The following CDH15 variants were observed in gnomAD, a reference collection of about 807,000 sequenced individuals.
The protein encoded by CDH15 is cadherin 15.
Under a neutral mutation model 69.4 loss-of-function variants are expected in CDH15, and 73 were observed. The ratio of observed to expected loss-of-function variants is 1.05; its 90% CI spans 0.87 to 1.28. The LOEUF (loss-of-function observed/expected upper bound fraction) is 1.28, where lower values mean the gene tolerates loss of function less well. Ranked by LOEUF, CDH15 falls within the 50% of genes most tolerant of loss-of-function variation. The probability of loss-of-function intolerance (pLI) is 0.00; values close to 1 mark genes in which losing one functional copy is unlikely to be tolerated. For synonymous variants in CDH15, 624 were observed against 507.7 expected (o/e 1.23, Z -3.08); for missense variants, 1,343 against 1,133.6 (o/e 1.18, Z -2.65).
At chr16:89,178,828 A>G (rs899367675) in intron 1 of CDH15, among the ~76,000 whole-genome samples, 1 of 152,068 alleles carries the variant, frequency 6.6e-6, no homozygotes, top group East Asian at 1.9e-4. Context: ...GGGGACGGGC[A>G]CTTTCCTGCA....
rs191491461 is a variant in CDH15, at chr16:89,191,402, C to T, written c.1305C>T (p.His435=). ...DAATGRIQTQ[H]VLSPASPFLK... is the part of the protein sequence containing the mutation. ...CCACTGGCCGGATCCAGACCCAGCA[C>T]GTGCTCAGCCCGGCGTCCCCCTTCC... is the stretch of plus-strand genomic sequence containing the variant. Residue 435 remains histidine, a synonymous_variant, in exon 9 of 14, where the codon CAC becomes CAT. Coordinates refer to ENST00000289746, the MANE Select transcript of CDH15 (RefSeq NM_004933.3). 3.1e-6 allele frequency: 5 copies of T among 1,612,814 alleles called. No individual in the cohort carries two copies. In the Admixed American group the frequency reaches 5.0e-5, roughly 16 times the overall value.
chr16:89,185,210 C>CA lies in CDH15; in HGVS notation c.540_541insA (p.Asp181ArgfsTer71). The CA allele has an allele frequency of 6.2e-7, 1 of 1,604,142 alleles. No individual in the cohort carries two copies. Among genetic ancestry groups the CA allele is most frequent in the Non-Finnish European group, 8.5e-7 (1 of 1,176,238 alleles). Reference sequence around the variant, plus strand: ...CCAGGGCAGAGGCCACAGATGCCGACGACCCCGAGACGGACAACGCAGCGC... The same window carrying CA: ...CCAGGGCAGAGGCCACAGATGCCGACAGACCCCGAGACGGACAACGCAGCGC... On this transcript the variant is annotated frameshift_variant, in exon 5 of 14. Transcript: ENST00000289746. LOFTEE classifies it high-confidence loss of function.
At position 89,175,020 on chromosome 16, in the gene CDH15, C is replaced by T. The variant is rs141442475; in HGVS notation, c.42+3147C>T. On this transcript the variant is annotated intron_variant, in intron 1 of 13. Transcript: ENST00000289746. The stretch of plus-strand genomic sequence containing the variant: ...CAGCTTTGAGAACGCCCCCGAGAGC[C>T]GGAAGTGGGCCGTGGCCAGCCTGCT... 7.5e-3 allele frequency among the ~76,000 whole-genome samples: 1,149 copies of T among 152,282 alleles called. 15 individuals are homozygous for T. The highest frequency in any genetic ancestry group is 0.027 in the African/African-American group (1,116 of 41,544).
chr16:89,191,972 G>T (rs1357104587), intron 10 of CDH15, 78 bp downstream of exon 10: 16 of 1,380,920 alleles, frequency 1.2e-5, no homozygotes, highest in Non-Finnish European at 1.5e-5. Flanking sequence ...GACGGGGGCA[G>T]GAGGGTGAGG....
Position 89,188,242 on chromosome 16 carries a change from G to A in CDH15, c.935G>A (p.Arg312His), listed in dbSNP as rs374936482. ...GACCCCGATGGGCAGTTCACCATCC[G>A]CACGGACCCCAAGACCAACGAGGGT... Reference protein sequence around the residue: ...EGDPDGQFTIRTDPKTNEGVL... With the variant: ...EGDPDGQFTIHTDPKTNEGVL... The change falls in exon 7 of 14, where the codon CGC becomes CAC. Residue 312 changes from arginine (R) to histidine (H), a missense_variant. Physicochemically the swap from Arg to His is conservative, Grantham distance 29. Coordinates refer to ENST00000289746, the MANE Select transcript of CDH15 (RefSeq NM_004933.3). The A allele has an allele frequency of 2.3e-5, 37 of 1,613,488 alleles. No individual in the cohort carries two copies. Among genetic ancestry groups the A allele is most frequent in the African/African-American group, 1.5e-4 (11 of 75,062 alleles).
chr16:89,173,647 C>T (rs1033827560), intron 1 of CDH15, among the ~76,000 whole-genome samples: 10 of 152,198 alleles, frequency 6.6e-5, no homozygotes, highest in African/African-American at 2.4e-4. Context: ...ACTGTGAGCT[C>T]TCCTGGGCAG....
rs759202740 is a variant in CDH15, at chr16:89,193,791, G to A, written c.2029G>A (p.Ala677Thr). 13 of 1,606,522 alleles carry A rather than the reference G, an allele frequency of 8.1e-6. No homozygotes were observed. The highest frequency in any genetic ancestry group is 1.1e-5 in the South Asian group (1 of 90,874). The change falls in exon 13 of 14, where the codon GCG becomes ACG. Residue 677 changes from alanine to threonine, a missense_variant. Physicochemically the swap from Ala to Thr is moderately conservative, Grantham distance 58. Transcript: ENST00000289746. ...CATCAGCCAGCTGCGTCACCCGACAGCGCTGAGCCTGCCTCTGGGACCGCC... is the reference window on the plus strand; with the variant it reads ...CATCAGCCAGCTGCGTCACCCGACAACGCTGAGCCTGCCTCTGGGACCGCC... Reference protein sequence around the residue: ...YDISQLRHPTALSLPLGPPPL... With the variant: ...YDISQLRHPTTLSLPLGPPPL...
At chr16:89,194,415 A>T (rs1048440876) in intron 13 of CDH15, among the ~76,000 whole-genome samples, 1 of 152,184 alleles carries the variant, frequency 6.6e-6, no homozygotes, top group African/African-American at 2.4e-5. Flanking sequence ...GCCAAGGTGT[A>T]CACCCCCGGT....
intron 3 of CDH15, chr16:89,183,334 C>A: frequency 1.7e-6 from 1 of 577,316 alleles, no homozygotes; most frequent in Non-Finnish European, 3.1e-6. Context: ...GGGAAAGTGG[C>A]ACCTGCCCTG....
rs142819193 is a variant in CDH15, at chr16:89,193,477, C to G, written c.1863C>G (p.Val621=). The G allele has an allele frequency of 6.2e-7, 1 of 1,610,592 alleles. No homozygotes were observed. The highest frequency in any genetic ancestry group is 8.5e-7 in the Non-Finnish European group (1 of 1,179,368). ...LASALLLLVL[V]LLVALRARFW... ...CGTCCCCTCATTCCCCAGTGCTGGT[C>G]CTGCTCGTGGCACTCCGGGCGCGGT... Residue 621 remains valine (V), a synonymous_variant, in exon 12 of 14, where the codon GTC becomes GTG. Coordinates refer to ENST00000289746, the MANE Select transcript of CDH15 (RefSeq NM_004933.3).
rs778807813 is a variant in CDH15, at chr16:89,193,867, G to C, written c.2105G>C (p.Arg702Pro). 8 of 1,611,854 alleles carry C rather than the reference G, an allele frequency of 5.0e-6. No homozygotes were observed. Among genetic ancestry groups the C allele is most frequent in the Non-Finnish European group, 6.8e-6 (8 of 1,179,752 alleles). The change falls in exon 13 of 14, where the codon CGA becomes CCA. Residue 702 changes from arginine to proline, a missense_variant. By Grantham distance (103) the Arg-to-Pro change is moderately radical. Coordinates refer to ENST00000289746, the MANE Select transcript of CDH15 (RefSeq NM_004933.3). ...GGCCGCCTGCACCCCCAGCCACCCC[G>C]AGTGCTGCCCACCAGCCCCCTGGAC... ...PQGRLHPQPP[R>P]VLPTSPLDIA...
At chr16:89,179,369 A>C in intron 1 of CDH15, 47 bp from the exon 2 acceptor site, 1 of 1,610,174 alleles carries the variant, frequency 6.2e-7, no homozygotes, top group South Asian at 1.1e-5. Context: ...GCTGCCGCCC[A>C]GGGCTCCAGG....
At position 89,191,371 on chromosome 16, in the gene CDH15, A is replaced by G; in HGVS notation, c.1274A>G (p.Asp425Gly). 1 of 1,612,242 alleles carries G rather than the reference A, an allele frequency of 6.2e-7. No homozygotes were observed. Among genetic ancestry groups the G allele is most frequent in the Non-Finnish European group, 8.5e-7 (1 of 1,179,844 alleles). The change falls in exon 9 of 14, where the codon GAC (aspartate) becomes GGC (glycine). Residue 425 changes from aspartate (D) to glycine (G), a missense_variant. Coordinates refer to ENST00000289746, the MANE Select transcript of CDH15 (RefSeq NM_004933.3). ...GACCCGGAAGACTGGCTGCAAGTGG[A>G]CGCAGCCACTGGCCGGATCCAGACC... Reference protein sequence around the residue: ...DYDPEDWLQVDAATGRIQTQH... With the variant: ...DYDPEDWLQVGAATGRIQTQH...
At chr16:89,178,611 C>A (rs538388828) in intron 1 of CDH15, among the ~76,000 whole-genome samples, 1 of 152,114 alleles carries the variant, frequency 6.6e-6, no homozygotes, top group South Asian at 2.1e-4. Context: ...TCTCAGGAAC[C>A]CGCACCACCA....
intron 6 of CDH15, 85 bp downstream of exon 6, chr16:89,187,642 C>T: frequency 1.3e-6 from 2 of 1,561,000 alleles, no homozygotes; most frequent in Non-Finnish European, 8.7e-7. Flanking sequence ...CAGCGGGCTT[C>T]ATGATGGGGC....
intron 2 of CDH15, among the ~76,000 whole-genome samples, chr16:89,179,854 G>A (rs188814218): frequency 4.3e-4 from 65 of 152,368 alleles, no homozygotes; most frequent in African/African-American, 1.4e-3. Context: ...ACGCTCGGGC[G>A]TGATTTTTGT....
At chr16:89,183,983 C>T (rs1371363132) in intron 4 of CDH15, among the ~76,000 whole-genome samples, 6 of 152,190 alleles carry the variant, frequency 3.9e-5, no homozygotes, top group Non-Finnish European at 8.8e-5. Context: ...GAGCCAGGCA[C>T]ACTCCATCCT....
In CDH15 at chr16:89,192,440, G is replaced by T. The variant is rs756248561; in HGVS notation, c.1851G>T (p.Leu617=). The change falls in exon 11 of 14, where the codon CTG becomes CTT. Residue 617 remains leucine, a synonymous_variant. Transcript: ENST00000289746. ...LVIVLASALL[L]LVLVLLVALR... ...TCGTGCTGGCCAGCGCCCTCCTGCT[G>T]CTGGGTGAGTGAGCGCCCCGCCTCC... The T allele has an allele frequency of 1.7e-5, 27 of 1,560,202 alleles. No individual in the cohort carries two copies. The highest frequency in any genetic ancestry group is 2.2e-5 in the Non-Finnish European group (25 of 1,160,552).
chr16:89,172,012 G>T lies in CDH15; in HGVS notation c.42+139G>T, dbSNP rs182243641. On this transcript the variant is annotated intron_variant, in intron 1 of 13. Transcript: ENST00000289746. ...GGGGGCCTGTGAGCGGAGTGGCTCCGGGTGGGTCCCTGGGCTGGGGGCAGC... is the reference window on the plus strand; with the variant it reads ...GGGGGCCTGTGAGCGGAGTGGCTCCTGGTGGGTCCCTGGGCTGGGGGCAGC... 2.8e-4 allele frequency: 240 copies of T among 862,272 alleles called. No individual in the cohort carries two copies. In the African/African-American group the frequency reaches 3.3e-3, roughly 12 times the overall value. The allele number at this position is 862,272 out of a possible 1,614,324, so 53.4% of individuals were successfully genotyped here.
Sources: allele counts gnomAD v4.1 joint callset (sites outside exome capture counted in the v4.1 genomes callset), GRCh38; gene constraint gnomAD v4.1.1; transcripts MANE v1.5; gene names NCBI Gene and HGNC (gene_info 2026-07-23, HGNC 2026-07-21).